The following MYO5A variants were observed in gnomAD, a reference collection of about 807,000 sequenced individuals.
MYO5A encodes myosin VA, also known as unconventional myosin-Va.
MYO5A carries 98 observed loss-of-function variants against 249.7 expected under a neutral mutation model. That is an observed-to-expected ratio of 0.39 (90% CI 0.33 to 0.46). The LOEUF (loss-of-function observed/expected upper bound fraction) is 0.46, where lower values mean the gene tolerates loss of function less well. Ranked by LOEUF, MYO5A falls within the 20% of genes least tolerant of loss-of-function variation. The pLI is 0.98. For missense variants in MYO5A, 1,696 were observed against 2,308.8 expected, an observed-to-expected ratio of 0.73 and a Z score of 5.44; for synonymous variants, 778 against 810.6, an observed-to-expected ratio of 0.96 and a Z score of 0.68.
intron 16 of MYO5A, among the ~76,000 whole-genome samples, chr15:52,381,454 C>T (rs2041735127): frequency 6.6e-6 from 1 of 152,162 alleles, no homozygotes. Flanking sequence ...CTATTACAAC[C>T]TTTGTTAAGT....
At position 52,387,926 on chromosome 15, in the gene MYO5A, G is replaced by A. The variant is rs1487124592; in HGVS notation, c.1669-14C>T. 3.8e-6 allele frequency: 6 copies of A among 1,576,002 alleles called. No homozygotes were observed. The highest frequency in any genetic ancestry group is 4.5e-5 in the East Asian group (2 of 44,570). On this transcript the variant is annotated splice_polypyrimidine_tract_variant and intron_variant, in intron 13 of 41. Transcript: ENST00000399233. ...CTGGTATTCCACCTGAAAACACATG[G>A]AAAAATCTCCTTAACTGATAAAACT...
In MYO5A at chr15:52,346,266, G is replaced by A. The variant is rs528970592; in HGVS notation, c.3959+95C>T. The A allele has an allele frequency of 1.1e-4, 83 of 762,634 alleles. 1 individual carries two copies. The South Asian group carries it at 1.2e-3, about 11-fold the overall frequency. The allele number at this position is 762,634 out of a possible 1,614,324, so 47.2% of individuals were successfully genotyped here. Reference sequence around the variant, plus strand: ...AAGGCCAGTTAATGTCTAATATAAAGGAATGTATGAACACTTTTACTGTAC... The same window carrying A: ...AAGGCCAGTTAATGTCTAATATAAAAGAATGTATGAACACTTTTACTGTAC... On this transcript the variant is annotated intron_variant, in intron 30 of 41. Coordinates refer to ENST00000399233, the MANE Select transcript of MYO5A (RefSeq NM_001382347.1).
chr15:52,318,598 A>G lies in MYO5A; in HGVS notation c.5234+462T>C, dbSNP rs540279836. Among the ~76,000 whole-genome samples the G allele has an allele frequency of 2.6e-5, 4 of 152,274 alleles. No homozygotes were observed. In the South Asian group the frequency reaches 6.2e-4, roughly 24 times the overall value. ...TATTTTAAGAATTAGTAAAAGATCT[A>G]TCAGACCTGTTCTTGTTGCCATAGG... On this transcript the variant is annotated intron_variant, in intron 39 of 41. Coordinates refer to ENST00000399233, the MANE Select transcript of MYO5A (RefSeq NM_001382347.1).
chr15:52,400,179 C>G (rs559102037), intron 9 of MYO5A, among the ~76,000 whole-genome samples: 1 of 151,742 alleles, frequency 6.6e-6, no homozygotes, highest in African/African-American at 2.4e-5. Context: ...TTTTTCAATC[C>G]ATTTTCCTCT....
intron 1 of MYO5A, among the ~76,000 whole-genome samples, chr15:52,464,665 G>A (rs1416321180): frequency 6.6e-6 from 1 of 152,192 alleles, no homozygotes; most frequent in African/African-American, 2.4e-5. Flanking sequence ...TTAGCTGACT[G>A]AAAAAATAGG....
At chr15:52,415,867 T>C in intron 5 of MYO5A, 2 of 450,412 alleles carry the variant, frequency 4.4e-6, no homozygotes, top group Non-Finnish European at 8.1e-6. Context: ...GGAAACTTAA[T>C]TGCTGCCTGG....
At chr15:52,339,652 A>G (rs879904459) in intron 32 of MYO5A, among the ~76,000 whole-genome samples, 10 of 152,236 alleles carry the variant, frequency 6.6e-5, no homozygotes, top group African/African-American at 1.2e-4. Flanking sequence ...AAGAACAGAA[A>G]ATATGTAAAC....
chr15:52,328,755 C>G (rs1210664131), intron 35 of MYO5A, among the ~76,000 whole-genome samples: 1 of 152,244 alleles, frequency 6.6e-6, no homozygotes, highest in African/African-American at 2.4e-5. Context: ...CTCACCATAG[C>G]ATAGGATCTG....
chr15:52,456,866 T>C (rs1286304203), intron 1 of MYO5A, among the ~76,000 whole-genome samples: 1 of 152,068 alleles, frequency 6.6e-6, no homozygotes. Context: ...CTTGTAGAAG[T>C]AAGCATTGGG....
At chr15:52,406,778 T>C (rs567882163) in intron 8 of MYO5A, among the ~76,000 whole-genome samples, 1 of 152,012 alleles carries the variant, frequency 6.6e-6, no homozygotes, top group South Asian at 2.1e-4. Context: ...AGAAAAAAAA[T>C]GCTGGAATAA....
chr15:52,460,450 G>A (rs1236439389), intron 1 of MYO5A, among the ~76,000 whole-genome samples: 4 of 152,246 alleles, frequency 2.6e-5, no homozygotes, highest in Non-Finnish European at 4.4e-5. Flanking sequence ...CTGGAGACCA[G>A]CCCGGCCAAC....
intron 37 of MYO5A, among the ~76,000 whole-genome samples, chr15:52,322,945 A>C (rs1360923875): frequency 2.0e-5 from 3 of 152,046 alleles, no homozygotes; most frequent in Non-Finnish European, 4.4e-5. Flanking sequence ...CTCATCATTT[A>C]ACATTAGGTA....
At chr15:52,470,518 C>A (rs563848948) in intron 1 of MYO5A, among the ~76,000 whole-genome samples, 2 of 152,040 alleles carry the variant, frequency 1.3e-5, no homozygotes, top group African/African-American at 4.8e-5. Context: ...GGCGTGGTGG[C>A]GCATCTCTGT....
intron 9 of MYO5A, among the ~76,000 whole-genome samples, chr15:52,400,883 A>G (rs1191635554): frequency 6.6e-6 from 1 of 152,190 alleles, no homozygotes; most frequent in Admixed American, 6.5e-5. Context: ...TTACCAGATC[A>G]ATATACTATT....
intron 11 of MYO5A, 54 bp downstream of exon 11, chr15:52,396,262 G>C: frequency 9.5e-7 from 1 of 1,052,312 alleles, no homozygotes; most frequent in Non-Finnish European, 1.4e-6. Context: ...CAAAGACTAG[G>C]AATTCAAGAG....
At chr15:52,462,002 G>A (rs2076260063) in intron 1 of MYO5A, among the ~76,000 whole-genome samples, 1 of 151,124 alleles carries the variant, frequency 6.6e-6, no homozygotes, top group African/African-American at 2.4e-5. Context: ...AGTGGCTCAT[G>A]CCTGTAATCC....
At position 52,461,982 on chromosome 15, in the gene MYO5A, G is replaced by C. The variant is rs189561249; in HGVS notation, c.28-28697C>G. Among the ~76,000 whole-genome samples, 4 of 141,568 alleles carry C rather than the reference G, an allele frequency of 2.8e-5. No individual in the cohort carries two copies. In the East Asian group the frequency reaches 8.6e-4, roughly 31 times the overall value. 92.9% of individuals were successfully genotyped at this position (141,568 alleles called of 152,430 possible). A position where few individuals can be genotyped will look rare whatever the true frequency, so the allele number is the denominator to read the frequency against. On this transcript the variant is annotated intron_variant, in intron 1 of 41. Coordinates refer to ENST00000399233, the MANE Select transcript of MYO5A (RefSeq NM_001382347.1). ...TCCATCTCAAAAAAAAAAAAGTTTG[G>C]GCCAGGCGCAGTGGCTCATGCCTGT...
chr15:52,528,876 G>T lies in MYO5A; in HGVS notation c.-70C>A, dbSNP rs1236642317. Reference sequence around the variant, plus strand: ...ACCTCGCCTGGGCGGCCGCCCGAGCGGACTAGGAAGCGCCCGCAGCCGCCG... The same window carrying T: ...ACCTCGCCTGGGCGGCCGCCCGAGCTGACTAGGAAGCGCCCGCAGCCGCCG... On this transcript the variant is annotated 5_prime_UTR_variant, in exon 1 of 42. Transcript: ENST00000399233. 4 of 1,356,670 alleles carry T rather than the reference G, an allele frequency of 2.9e-6. No individual in the cohort carries two copies. The highest frequency in any genetic ancestry group is 1.7e-5 in the South Asian group (1 of 59,330). 84.0% of individuals were successfully genotyped at this position (1,356,670 alleles called of 1,614,324 possible).
At chr15:52,372,800 T>G (rs2041197340) in intron 20 of MYO5A, among the ~76,000 whole-genome samples, 1 of 152,172 alleles carries the variant, frequency 6.6e-6, no homozygotes, top group Non-Finnish European at 1.5e-5. Flanking sequence ...CTGTAAACTA[T>G]GTGCTACTAA....
Sources: gnomAD v4.1 joint callset for allele counts (sites outside exome capture counted in the v4.1 genomes callset) on GRCh38, gnomAD v4.1.1 for gene constraint, MANE v1.5 for transcripts, NCBI Gene and HGNC (gene_info 2026-07-23, HGNC 2026-07-21) for gene names.